STKLD1: variants seen among roughly 807,000 people sequenced by gnomAD.
The protein encoded by STKLD1 is serine/threonine kinase-like domain-containing protein STKLD1.
A neutral mutation model predicts 80.4 loss-of-function variants in STKLD1; 79 were observed. That is an observed-to-expected ratio of 0.98 (90% CI 0.82 to 1.19). The LOEUF is 1.19. Ranked by LOEUF, STKLD1 falls within the 50% of genes most tolerant of loss-of-function variation. STKLD1 has a pLI of 0.00. For synonymous variants in STKLD1, 393 were observed against 357.6 expected, an observed-to-expected ratio of 1.10 and a Z score of -1.12; for missense variants, 841 against 856.0, an observed-to-expected ratio of 0.98 and a Z score of 0.22.
In STKLD1 at chr9:133,403,777, G is replaced by A. The variant is rs149032524; in HGVS notation, c.1552G>A (p.Gly518Arg). The change falls in exon 15 of 18, where the codon GGG becomes AGG. Residue 518 changes from glycine to arginine, a missense_variant. By Grantham distance (125) the Gly-to-Arg change is moderately radical. Transcript: ENST00000371957. ...GGTGTTGGCCACCTACCCTGCGGATGGGGAAATGGCAGAAGCCAGCTGCGG... is the reference window on the plus strand; with the variant it reads ...GGTGTTGGCCACCTACCCTGCGGATAGGGAAATGGCAGAAGCCAGCTGCGG... ...SQVLATYPAD[G>R]EMAEASCGVF... The A allele has an allele frequency of 3.1e-6, 5 of 1,613,720 alleles. No individual in the cohort carries two copies. The African/African-American group carries it at 4.0e-5, about 13-fold the overall frequency.
intron 10 of STKLD1, 89 bp from the exon 11 acceptor site, chr9:133,397,883 C>G: frequency 9.5e-7 from 1 of 1,051,954 alleles, no homozygotes; most frequent in Non-Finnish European, 1.4e-6. Context: ...GATGCACACA[C>G]AGCAGCCAGC....
chr9:133,376,629 C>T (rs1837965582), intron 1 of STKLD1, 69 bp downstream of exon 1: 1 of 1,390,566 alleles, frequency 7.2e-7, no homozygotes, highest in Admixed American at 2.9e-5. Context: ...GAGCTACGGC[C>T]GGCGGTTCCG....
rs1242774963 is a variant in STKLD1 at position 133,390,231 on chromosome 9, ACACACACACACACACACAC to A, written c.468-449_468-431del. On this transcript the variant is annotated intron_variant, in intron 6 of 17. Transcript: ENST00000371957. This position sits in a 1 kb window ranked among gnomAD's most constrained non-coding sequence, Gnocchi z 5.1. ...CACACACACACACACACACACACAC[ACACACACACACACACACAC>A]ACCACGCAGACCATACGTACAAAGG... 4.9e-4 allele frequency among the ~76,000 whole-genome samples: 73 copies of A among 147,674 alleles called. 1 individual carries two copies. The highest frequency in any genetic ancestry group is 1.8e-3 in the African/African-American group (68 of 38,012).
Position 133,394,126 on chromosome 9 carries a change from T to G in STKLD1, c.584-165T>G. On this transcript the variant is annotated intron_variant, in intron 7 of 17. Coordinates refer to ENST00000371957, the MANE Select transcript of STKLD1 (RefSeq NM_153710.5). This position sits in a 1 kb window ranked among gnomAD's most constrained non-coding sequence, Gnocchi z 4.9. ...GATTGGGGCCTCTTCCTCCCCACAG[T>G]TAATATTCTCCACCTCTTCTGAGAA... is the stretch of plus-strand genomic sequence containing the variant. 1 of 644,570 alleles carries G rather than the reference T, an allele frequency of 1.6e-6. No individual in the cohort carries two copies. The highest frequency in any genetic ancestry group is 2.8e-6 in the Non-Finnish European group (1 of 355,964). 39.9% of individuals were successfully genotyped at this position (644,570 alleles called of 1,614,324 possible). A position where few individuals can be genotyped will look rare whatever the true frequency, so the allele number is the denominator to read the frequency against.
chr9:133,387,259 T>C (rs2130279074), intron 4 of STKLD1, among the ~76,000 whole-genome samples, 188 bp from the exon 5 acceptor site: 6 of 149,644 alleles, frequency 4.0e-5, no homozygotes, highest in Admixed American at 2.6e-4. Flanking sequence ...AGGTGGAGCC[T>C]GGGAATGGGG....
In STKLD1 at chr9:133,403,001, T is replaced by A. The variant is rs1554777986; in HGVS notation, c.1463T>A (p.Leu488His). 1.3e-6 allele frequency: 2 copies of A among 1,570,072 alleles called. No homozygotes were observed. Among genetic ancestry groups the A allele is most frequent in the Non-Finnish European group, 1.7e-6 (2 of 1,157,880 alleles). The stretch of plus-strand genomic sequence containing the variant: ...AGCGGCCTGGGCCTGCTCTGGGCCC[T>A]CCTGCTGGACGGTGAGGGGCCCTCC... ...CASGLGLLWA[L>H]LLDGIIVNKA... The change falls in exon 14 of 18, where the codon CTC becomes CAC. Residue 488 changes from leucine to histidine, a missense_variant. Coordinates refer to ENST00000371957, the MANE Select transcript of STKLD1 (RefSeq NM_153710.5).
intron 9 of STKLD1, 173 bp downstream of exon 9, chr9:133,395,936 G>A (rs1337064350): frequency 3.1e-6 from 2 of 648,870 alleles, no homozygotes; most frequent in African/African-American, 3.7e-5. Context: ...CCCAAACCGT[G>A]CTGCGGCGAG....
At chr9:133,391,433 GT>G (rs1838395822) in intron 7 of STKLD1, among the ~76,000 whole-genome samples, 1 of 151,514 alleles carries the variant, frequency 6.6e-6, no homozygotes, top group African/African-American at 2.4e-5. Flanking sequence ...AGGGGGAAAG[GT>G]GGGGAAAAGA....
In STKLD1 at chr9:133,391,588, CAT is replaced by C. The variant is rs2130289855; in HGVS notation, c.583+793_583+794del. On this transcript the variant is annotated intron_variant, in intron 7 of 17. Transcript: ENST00000371957. ...ACCCCCAACCCTGTGCTCTCTGAAA[CAT>C]GTGCTGTGTCCACTCAGGGTTAAAT... 4.0e-3 allele frequency among the ~76,000 whole-genome samples: 603 copies of C among 152,174 alleles called. 6 individuals carry two copies. Among genetic ancestry groups the C allele is most frequent in the African/African-American group, 0.013 (560 of 41,496 alleles).
chr9:133,400,655 G>T lies in STKLD1; in HGVS notation c.1198+126G>T, dbSNP rs587741345. On this transcript the variant is annotated intron_variant, in intron 12 of 17. Coordinates refer to ENST00000371957, the MANE Select transcript of STKLD1 (RefSeq NM_153710.5). ...GGGAAGCCATGCCCTGCTCCCTGCT[G>T]CTGCACCTTCTAGGCCATCTTCTAG... 3 of 789,898 alleles carry T rather than the reference G, an allele frequency of 3.8e-6. No individual in the cohort carries two copies. The East Asian group carries it at 7.3e-5, about 19-fold the overall frequency. The allele number at this position is 789,898 out of a possible 1,614,324, so 48.9% of individuals were successfully genotyped here. A position where few individuals can be genotyped will look rare whatever the true frequency, so the allele number is the denominator to read the frequency against.
chr9:133,395,957 T>C (rs1193082569), intron 9 of STKLD1, 194 bp downstream of exon 9: 2 of 578,734 alleles, frequency 3.5e-6, no homozygotes, highest in Middle Eastern at 4.8e-4. Context: ...TAATCCCGAA[T>C]GTACGGTGGA....
At chr9:133,402,770 G>C in intron 13 of STKLD1, 108 bp from the exon 14 acceptor site, 1 of 1,282,654 alleles carries the variant, frequency 7.8e-7, no homozygotes, top group Non-Finnish European at 1.1e-6. Context: ...CCCAGAGCAG[G>C]CACCTAGGAT....
Position 133,387,625 on chromosome 9 carries a change from C to G in STKLD1, c.396+77C>G. ...GGCCCTGCGGTGCAGGGCAAAGTAACAGCGGGAGGGCAGGCACCATGGAGT... is the reference window on the plus strand; with the variant it reads ...GGCCCTGCGGTGCAGGGCAAAGTAAGAGCGGGAGGGCAGGCACCATGGAGT... On this transcript the variant is annotated intron_variant, in intron 5 of 17. Transcript: ENST00000371957. The G allele has an allele frequency of 1.6e-5, 19 of 1,155,730 alleles. No homozygotes were observed. In the South Asian group the frequency reaches 2.2e-4, roughly 13 times the overall value. 71.6% of individuals were successfully genotyped at this position (1,155,730 alleles called of 1,614,324 possible).
rs2130284447 is a variant in STKLD1, at chr9:133,389,566, A to T, written c.437A>T (p.Glu146Val). ...CTGGGCCAGGTGCTGGACGCGCTGG[A>T]ATACCTGCACCATTTGGACATCATC... is the stretch of plus-strand genomic sequence containing the variant. ...NVLGQVLDALEYLHHLDIIHR... is the reference protein window; with the variant it reads ...NVLGQVLDALVYLHHLDIIHR... Residue 146 changes from glutamate to valine, a missense_variant, in exon 6 of 18, where the codon GAA (glutamate) becomes GTA (valine). Coordinates refer to ENST00000371957, the MANE Select transcript of STKLD1 (RefSeq NM_153710.5). The surrounding 1 kb of genome is among the most constrained non-coding windows in gnomAD (Gnocchi z 6.4). 2.0e-5 allele frequency: 32 copies of T among 1,613,384 alleles called. No individual in the cohort carries two copies. The African/African-American group carries it at 3.7e-4, about 19-fold the overall frequency.
In STKLD1 at chr9:133,403,894, C is replaced by G; in HGVS notation, c.1604-26C>G. The G allele has an allele frequency of 1.9e-6, 3 of 1,607,892 alleles. No individual in the cohort carries two copies. In the South Asian group the frequency reaches 3.3e-5, roughly 18 times the overall value. Reference sequence around the variant, plus strand: ...GGTGGGCCTCATGGCACAGCAGGCACAAGGCAGCCCGGCCCCTTTCTGCAG... The same window carrying G: ...GGTGGGCCTCATGGCACAGCAGGCAGAAGGCAGCCCGGCCCCTTTCTGCAG... On this transcript the variant is annotated intron_variant, in intron 15 of 17. Transcript: ENST00000371957.
chr9:133,397,179 C>A lies in STKLD1; in HGVS notation c.882C>A (p.Ile294=). The A allele has an allele frequency of 6.2e-7, 1 of 1,614,004 alleles. No individual in the cohort carries two copies. The highest frequency in any genetic ancestry group is 1.3e-5 in the African/African-American group (1 of 75,044). Residue 294 remains isoleucine, a synonymous_variant, in exon 10 of 18, where the codon ATC becomes ATA. Transcript: ENST00000371957. ...DRITIKDVVH[I]TFLRGSFKSS... Reference sequence around the variant, plus strand: ...CCTCTGCTAGGGACGTGGTGCACATCACCTTCTTGAGAGGCTCCTTCAAGT... The same window carrying A: ...CCTCTGCTAGGGACGTGGTGCACATAACCTTCTTGAGAGGCTCCTTCAAGT...
intron 13 of STKLD1, 24 bp downstream of exon 13, chr9:133,401,902 C>G (rs782764801): frequency 6.2e-7 from 1 of 1,610,648 alleles, no homozygotes; most frequent in Non-Finnish European, 8.5e-7. Flanking sequence ...CCACCTCCTG[C>G]CCCACCCACG....
At chr9:133,404,438 G>A (rs183133851) in intron 16 of STKLD1, among the ~76,000 whole-genome samples, 5 of 152,288 alleles carry the variant, frequency 3.3e-5, no homozygotes, top group Non-Finnish European at 7.4e-5. Flanking sequence ...CAGCACAACC[G>A]ACGCTCGGCC....
chr9:133,386,325 GATGGGC>G (rs1838265115), intron 4 of STKLD1, among the ~76,000 whole-genome samples: 1 of 152,256 alleles, frequency 6.6e-6, no homozygotes, highest in African/African-American at 2.4e-5. Context: ...GGCCAGGCCA[GATGGGC>G]CTGACTCCCG....
Sources: allele counts gnomAD v4.1 joint callset (sites outside exome capture counted in the v4.1 genomes callset), GRCh38; gene constraint gnomAD v4.1.1; non-coding constraint Gnocchi (gnomAD v3.1); transcripts MANE v1.5; gene names NCBI Gene and HGNC (gene_info 2026-07-23, HGNC 2026-07-21).